Variants in SH3PXD2A observed in about 807,000 individuals in gnomAD.
SH3PXD2A encodes SH3 and PX domain-containing protein 2A.
In SH3PXD2A, 32 loss-of-function variants were observed where a neutral mutation model predicts 115.2. The ratio of observed to expected loss-of-function variants is 0.28; its 90% CI spans 0.21 to 0.37. The LOEUF (loss-of-function observed/expected upper bound fraction) is 0.37. Ranked by LOEUF, SH3PXD2A falls within the 10% of genes least tolerant of loss-of-function variation. SH3PXD2A has a pLI of 1.00. For synonymous variants in SH3PXD2A, 610 were observed against 629.1 expected (o/e 0.97, Z 0.45); for missense variants, 1,328 against 1,498.7 (o/e 0.89, Z 1.88).
chr10:103,715,407 C>A (rs1263289127), intron 5 of SH3PXD2A, among the ~76,000 whole-genome samples: 1 of 152,190 alleles, frequency 6.6e-6, no homozygotes, highest in Non-Finnish European at 1.5e-5. Context: ...AGGTGATTAG[C>A]CTACGCGGTC....
intron 5 of SH3PXD2A, among the ~76,000 whole-genome samples, chr10:103,701,873 A>G (rs907281476): frequency 4.0e-5 from 6 of 149,584 alleles, no homozygotes; most frequent in South Asian, 2.1e-4. Context: ...CCATCTATCC[A>G]TCTATCATCC....
chr10:103,631,678 A>G (rs2036782063), intron 8 of SH3PXD2A, among the ~76,000 whole-genome samples: 1 of 152,238 alleles, frequency 6.6e-6, no homozygotes, highest in East Asian at 1.9e-4. Flanking sequence ...CATTCTGGGC[A>G]TGTGGTCACT....
chr10:103,767,810 G>GTTTTTTGTTTTT (rs2038771480), intron 2 of SH3PXD2A, among the ~76,000 whole-genome samples: 21 of 67,710 alleles, frequency 3.1e-4, no homozygotes, highest in African/African-American at 1.2e-3. Flanking sequence ...CAACTGTTTT[G>GTTTTTTGTTTTT]TTTTTTTTTT....
chr10:103,737,890 C>G (rs899365918), intron 3 of SH3PXD2A, among the ~76,000 whole-genome samples: 2 of 152,236 alleles, frequency 1.3e-5, no homozygotes, highest in African/African-American at 4.8e-5. Context: ...TGAAGTCAGA[C>G]AGTGGAACGT....
At chr10:103,736,752 A>G in intron 3 of SH3PXD2A, 2 of 1,288,934 alleles carry the variant, frequency 1.6e-6, no homozygotes, top group Non-Finnish European at 2.0e-6. Flanking sequence ...TTTGGGGCCC[A>G]TGAGCTTGGC....
intron 11 of SH3PXD2A, among the ~76,000 whole-genome samples, chr10:103,614,879 G>C (rs577673891): frequency 2.6e-5 from 4 of 152,244 alleles, no homozygotes; most frequent in African/African-American, 9.6e-5. Flanking sequence ...AGAAAGCTCA[G>C]GTAGGAGGTG....
chr10:103,684,739 GA>G (rs1321177069), intron 6 of SH3PXD2A, among the ~76,000 whole-genome samples: 10 of 152,066 alleles, frequency 6.6e-5, no homozygotes, highest in African/African-American at 2.4e-4. Context: ...TCATAAAAAG[GA>G]AAATTAGGCT....
intron 1 of SH3PXD2A, among the ~76,000 whole-genome samples, chr10:103,840,037 C>A (rs2039582096): frequency 6.6e-6 from 1 of 152,234 alleles, no homozygotes; most frequent in South Asian, 2.1e-4. Flanking sequence ...AAGGGCAAGG[C>A]CAGGCAAGAG....
chr10:103,621,598 C>T (rs1592267164), intron 10 of SH3PXD2A, among the ~76,000 whole-genome samples: 1 of 152,326 alleles, frequency 6.6e-6, no homozygotes, highest in South Asian at 2.1e-4. Flanking sequence ...TGATACACCT[C>T]TCTCTGTGCC....
chr10:103,757,894 A>C (rs1076813), intron 3 of SH3PXD2A, among the ~76,000 whole-genome samples: 1 of 152,040 alleles, frequency 6.6e-6, no homozygotes, highest in Admixed American at 6.5e-5. Flanking sequence ...CCTGGGCTGC[A>C]GTGGGAAGAG....
Position 103,855,374 on chromosome 10 carries a change from GC to G in SH3PXD2A, c.-109del, listed in dbSNP as rs1363112909. 1 of 804,046 alleles carries G rather than the reference GC, an allele frequency of 1.2e-6. No individual in the cohort carries two copies. The highest frequency in any genetic ancestry group is 1.8e-6 in the Non-Finnish European group (1 of 554,526). 49.8% of individuals were successfully genotyped at this position (804,046 alleles called of 1,614,324 possible). ...GGTCCCGGGGCCGCCCGCCACCCCGGCCCGGCGCGCCGAACGCTGCCCGGAC... is the reference window on the plus strand; with the variant it reads ...GGTCCCGGGGCCGCCCGCCACCCCGGCCGGCGCGCCGAACGCTGCCCGGAC... On this transcript the variant is annotated 5_prime_UTR_variant, in exon 1 of 15. Transcript: ENST00000369774.
chr10:103,845,465 C>T (rs985385510), intron 1 of SH3PXD2A, among the ~76,000 whole-genome samples: 8 of 152,110 alleles, frequency 5.3e-5, no homozygotes, highest in Admixed American at 3.3e-4. Flanking sequence ...CTGCTATACT[C>T]CCACCAGCAC....
chr10:103,780,966 G>C (rs1292496192), intron 2 of SH3PXD2A, among the ~76,000 whole-genome samples: 2 of 152,104 alleles, frequency 1.3e-5, no homozygotes, highest in East Asian at 3.9e-4. Flanking sequence ...TGCCACCCTT[G>C]CTTGTCCGTC....
chr10:103,741,925 G>A (rs754618821), intron 3 of SH3PXD2A, among the ~76,000 whole-genome samples: 1 of 152,150 alleles, frequency 6.6e-6, no homozygotes, highest in Admixed American at 6.5e-5. Context: ...CTGGAGGATC[G>A]CTTGAACTCA....
intron 1 of SH3PXD2A, among the ~76,000 whole-genome samples, chr10:103,828,966 C>T (rs756290659): frequency 5.3e-5 from 8 of 152,136 alleles, no homozygotes; most frequent in Non-Finnish European, 8.8e-5. Context: ...ATGGGGCAGT[C>T]ACCCGTTGCA....
chr10:103,832,992 C>A (rs187126962), intron 1 of SH3PXD2A, among the ~76,000 whole-genome samples: 102 of 152,320 alleles, frequency 6.7e-4, no homozygotes, highest in African/African-American at 2.3e-3. Flanking sequence ...GGTTACACCA[C>A]TTAAAATTCT....
At chr10:103,643,878 G>A (rs2036992093) in intron 8 of SH3PXD2A, among the ~76,000 whole-genome samples, 2 of 152,150 alleles carry the variant, frequency 1.3e-5, no homozygotes, top group Non-Finnish European at 1.5e-5. Context: ...TTGGGAGGCC[G>A]AGGCGGGCGG....
Position 103,771,738 on chromosome 10 carries a change from AACACACACAC to A in SH3PXD2A, c.154-4579_154-4570del, listed in dbSNP as rs3068820. On this transcript the variant is annotated intron_variant, in intron 2 of 14. Transcript: ENST00000369774. ...CAACAGAGCGAGACTCCGTCAAAACAACACACACACACACACACACACACACACACACACA... is the reference window on the plus strand; with the variant it reads ...CAACAGAGCGAGACTCCGTCAAAACAACACACACACACACACACACACACA... Among the ~76,000 whole-genome samples the A allele has an allele frequency of 4.0e-3, 575 of 143,080 alleles. 8 individuals carry two copies. The highest frequency in any genetic ancestry group is 0.013 in the African/African-American group (509 of 38,656). The allele number at this position is 143,080 out of a possible 152,430, so 93.9% of individuals were successfully genotyped here.
At chr10:103,815,187 A>G (rs191199822) in intron 1 of SH3PXD2A, among the ~76,000 whole-genome samples, 326 of 152,346 alleles carry the variant, frequency 2.1e-3, no homozygotes, top group Non-Finnish European at 3.7e-3. Flanking sequence ...ACCACAGCTC[A>G]AAGACAAATA....
Sources: allele counts gnomAD v4.1 joint callset (sites outside exome capture counted in the v4.1 genomes callset), GRCh38; gene constraint gnomAD v4.1.1; transcripts MANE v1.5; gene names NCBI Gene and HGNC (gene_info 2026-07-23, HGNC 2026-07-21).